CACNA1C: variants seen among roughly 807,000 people sequenced by gnomAD.
The protein encoded by CACNA1C is voltage-dependent L-type calcium channel subunit alpha-1C.
Under a neutral mutation model 229.0 loss-of-function variants are expected in CACNA1C, and 30 were observed. That is an observed-to-expected ratio of 0.13 (90% CI 0.10 to 0.18). CACNA1C has a LOEUF of 0.18. CACNA1C is among the 10% of genes least tolerant of loss of function. The probability of loss-of-function intolerance (pLI) is 1.00; values close to 1 mark genes in which losing one functional copy is unlikely to be tolerated. For synonymous variants in CACNA1C, 1,114 were observed against 1,132.5 expected, an observed-to-expected ratio of 0.98 and a Z score of 0.33; for missense variants, 1,658 against 2,845.0, an observed-to-expected ratio of 0.58 and a Z score of 9.49.
chr12:2,470,654 C>T (rs941992348), intron 5 of CACNA1C, among the ~76,000 whole-genome samples: 2 of 152,164 alleles, frequency 1.3e-5, no homozygotes, highest in African/African-American at 4.8e-5. Flanking sequence ...TAAAATTACA[C>T]CTGCCTGCTT....
At chr12:2,599,383 A>G (rs1017252796) in intron 21 of CACNA1C, among the ~76,000 whole-genome samples, 33 of 152,188 alleles carry the variant, frequency 2.2e-4, no homozygotes, top group African/African-American at 8.0e-4. Flanking sequence ...GAACAGTGGA[A>G]GGGCCTGGAA....
rs1400849439 is a variant in CACNA1C at position 2,410,727 on chromosome 12, T to TGTGTGTGTGCATGC, written c.478-38240_478-38227dup. On this transcript the variant is annotated intron_variant, in intron 3 of 46. Transcript: ENST00000399655. This position sits in a 1 kb window ranked among gnomAD's most constrained non-coding sequence, Gnocchi z 5.3. Reference sequence around the variant, plus strand: ...GTGTGTGTGTGTGCGTGCACGCATGTGTGTGTGTGCATGCGTGTGTGTATT... The same window carrying TGTGTGTGTGCATGC: ...GTGTGTGTGTGTGCGTGCACGCATGTGTGTGTGTGCATGCGTGTGTGTGCATGCGTGTGTGTATT... Among the ~76,000 whole-genome samples the TGTGTGTGTGCATGC allele has an allele frequency of 6.7e-6, 1 of 149,742 alleles. No homozygotes were observed. Among genetic ancestry groups the TGTGTGTGTGCATGC allele is most frequent in the African/African-American group, 2.4e-5 (1 of 40,946 alleles).
At chr12:2,546,908 C>A (rs936379637) in intron 9 of CACNA1C, among the ~76,000 whole-genome samples, 5 of 152,210 alleles carry the variant, frequency 3.3e-5, no homozygotes, top group Non-Finnish European at 7.3e-5. Flanking sequence ...GTTTTTCTAC[C>A]TGCAGGTGAC....
chr12:2,591,897 T>C (rs952910056), intron 18 of CACNA1C, among the ~76,000 whole-genome samples: 1 of 152,204 alleles, frequency 6.6e-6, no homozygotes, highest in African/African-American at 2.4e-5. Flanking sequence ...GATGCATCCC[T>C]CCAATCTCTG....
chr12:2,626,092 G>A (rs1288045465), intron 29 of CACNA1C, among the ~76,000 whole-genome samples: 1 of 152,240 alleles, frequency 6.6e-6, no homozygotes, highest in East Asian at 1.9e-4. Flanking sequence ...GGAAGTGAAG[G>A]CGGTCTATCA....
chr12:2,595,933 T>C lies in CACNA1C; in HGVS notation c.2723T>C (p.Phe908Ser). The C allele has an allele frequency of 6.2e-7, 1 of 1,613,726 alleles. No homozygotes were observed. Among genetic ancestry groups the C allele is most frequent in the Non-Finnish European group, 8.5e-7 (1 of 1,179,814 alleles). ...ACGATCTTCACCAACCTGATCCTCT[T>C]CTTCATTCTGCTCAGCAGCATTTCC... is the stretch of plus-strand genomic sequence containing the variant. Reference protein sequence around the residue: ...NDTIFTNLILFFILLSSISLA... With the variant: ...NDTIFTNLILSFILLSSISLA... Residue 908 changes from phenylalanine (F) to serine (S), a missense_variant, in exon 20 of 47, where the codon TTC becomes TCC. This residue lies in a region of CACNA1C where 52 missense variants were observed against 99.0 expected (regional missense o/e 0.53). Coordinates refer to ENST00000399655, the MANE Select transcript of CACNA1C (RefSeq NM_000719.7). This position sits in a 1 kb window ranked among gnomAD's most constrained non-coding sequence, Gnocchi z 4.1.
At chr12:2,430,390 G>A (rs1018574693) in intron 3 of CACNA1C, among the ~76,000 whole-genome samples, 1 of 152,178 alleles carries the variant, frequency 6.6e-6, no homozygotes, top group African/African-American at 2.4e-5. Context: ...GACACTCAAT[G>A]TGTTGCCTGA....
At chr12:2,035,451 G>A (rs2048967474) in intron 1 of CACNA1C, among the ~76,000 whole-genome samples, 1 of 152,208 alleles carries the variant, frequency 6.6e-6, no homozygotes. Context: ...CGGCCGGGAG[G>A]TGATGGGGTG....
At chr12:2,446,819 G>C (rs1162668793) in intron 3 of CACNA1C, among the ~76,000 whole-genome samples, 1 of 151,362 alleles carries the variant, frequency 6.6e-6, no homozygotes, top group Non-Finnish European at 1.5e-5. Context: ...TGGATGAATA[G>C]ATGGGTGAAT....
chr12:2,475,937 T>A (rs1490508889), intron 5 of CACNA1C, among the ~76,000 whole-genome samples: 1 of 152,244 alleles, frequency 6.6e-6, no homozygotes, highest in Non-Finnish European at 1.5e-5. Flanking sequence ...GTTTGTTTTG[T>A]GATAAATCAT....
intron 3 of CACNA1C, among the ~76,000 whole-genome samples, chr12:2,226,376 T>C (rs1276629410): frequency 6.6e-6 from 1 of 152,166 alleles, no homozygotes; most frequent in African/African-American, 2.4e-5. Context: ...GTTAAATAAC[T>C]TGGCCAAGGT....
At chr12:2,193,291 CA>C (rs1260956050) in intron 3 of CACNA1C, among the ~76,000 whole-genome samples, 1 of 152,028 alleles carries the variant, frequency 6.6e-6, no homozygotes, top group Non-Finnish European at 1.5e-5. Flanking sequence ...CCTGTCTCTA[CA>C]AAAAGTACAA....
At chr12:2,551,177 C>T (rs533310740) in intron 10 of CACNA1C, among the ~76,000 whole-genome samples, 17 of 152,128 alleles carry the variant, frequency 1.1e-4, no homozygotes, top group East Asian at 5.8e-4. Flanking sequence ...GCCACCAAGA[C>T]GAGGCTTAGA....
chr12:2,058,220 C>T (rs1481179479), intron 1 of CACNA1C, among the ~76,000 whole-genome samples: 1 of 152,202 alleles, frequency 6.6e-6, no homozygotes, highest in East Asian at 1.9e-4. Flanking sequence ...GCACTTTCTT[C>T]CTTTTACAGT....
rs1347634188 is a variant in CACNA1C, at chr12:2,679,652, T to TCAACAACGC, written c.5308_5316dup (p.Ala1770_Asn1772dup). ...TCGTCCACCGGCTCCAACGCCAACA[T>TCAACAACGC]CAACAACGCCAACAACACCGCCCTG... On this transcript the variant is annotated inframe_insertion, in exon 42 of 47. Coordinates refer to ENST00000399655, the MANE Select transcript of CACNA1C (RefSeq NM_000719.7). This position sits in a 1 kb window ranked among gnomAD's most constrained non-coding sequence, Gnocchi z 5.5. The TCAACAACGC allele has an allele frequency of 8.7e-6, 14 of 1,613,706 alleles. No homozygotes were observed. The highest frequency in any genetic ancestry group is 1.2e-5 in the Non-Finnish European group (14 of 1,179,770).
intron 3 of CACNA1C, among the ~76,000 whole-genome samples, chr12:2,318,329 G>C (rs2095800500): frequency 6.6e-6 from 1 of 152,224 alleles, no homozygotes; most frequent in Non-Finnish European, 1.5e-5. Flanking sequence ...ATCTTACTCT[G>C]CAGCCGCTGA....
chr12:2,432,075 G>A (rs1310771030), intron 3 of CACNA1C, among the ~76,000 whole-genome samples: 1 of 152,160 alleles, frequency 6.6e-6, no homozygotes, highest in African/African-American at 2.4e-5. Context: ...GTGCTGATCA[G>A]CAAGGAGAAC....
At chr12:2,471,741 G>A (rs879865196) in intron 5 of CACNA1C, among the ~76,000 whole-genome samples, 2 of 152,026 alleles carry the variant, frequency 1.3e-5, no homozygotes, top group Non-Finnish European at 2.9e-5. Context: ...GGAGTGCAGT[G>A]GCACAATCTT....
At chr12:2,131,799 G>C (rs1432745025) in intron 3 of CACNA1C, among the ~76,000 whole-genome samples, 2 of 149,762 alleles carry the variant, frequency 1.3e-5, no homozygotes, top group African/African-American at 2.5e-5. Context: ...CTCTTTTTTG[G>C]TTCCATATGA....
Sources: gnomAD v4.1 joint callset for allele counts (sites outside exome capture counted in the v4.1 genomes callset) on GRCh38, gnomAD v4.1.1 for gene constraint, gnomAD v4.1.1 regional missense constraint, Gnocchi (gnomAD v3.1) non-coding constraint, MANE v1.5 for transcripts, NCBI Gene and HGNC (gene_info 2026-07-23, HGNC 2026-07-21) for gene names.